The following MMUT variants were observed in gnomAD, a reference collection of about 807,000 sequenced individuals.
MMUT encodes the protein methylmalonyl-CoA mutase, mitochondrial.
Under a neutral mutation model 79.9 loss-of-function variants are expected in MMUT, and 79 were observed. The ratio of observed to expected loss-of-function variants is 0.99; its 90% CI spans 0.82 to 1.19. The LOEUF is 1.19. Among genes scored for constraint, MMUT ranks in the 50% most tolerant of loss-of-function variants. The pLI, the probability that MMUT is intolerant of heterozygous loss-of-function variation, is 0.00. For missense variants in MMUT, 860 were observed against 917.2 expected, an observed-to-expected ratio of 0.94 and a Z score of 0.81; for synonymous variants, 273 against 295.7, an observed-to-expected ratio of 0.92 and a Z score of 0.79.
At chr6:49,436,224 G>A (rs565768071) in intron 11 of MMUT, among the ~76,000 whole-genome samples, 7 of 152,138 alleles carry the variant, frequency 4.6e-5, no homozygotes, top group East Asian at 1.9e-4. Flanking sequence ...TGGTGATTCC[G>A]CACAGACCTC....
At chr6:49,452,710 A>C (rs1767584233) in intron 5 of MMUT, among the ~76,000 whole-genome samples, 1 of 152,210 alleles carries the variant, frequency 6.6e-6, no homozygotes, top group African/African-American at 2.4e-5. Context: ...TTAAATGTAT[A>C]AAAGCAATGT....
In MMUT at chr6:49,450,812, G is replaced by A. The variant is rs186189592; in HGVS notation, c.1332+654C>T. Among the ~76,000 whole-genome samples the A allele has an allele frequency of 9.3e-4, 142 of 152,242 alleles. 2 individuals are homozygous for A. The highest frequency in any genetic ancestry group is 1.7e-3 in the Non-Finnish European group (113 of 67,984). ...GGGATTCAAGATTCAGAATTAAACA[G>A]AGGAGAAATGAAAATATATTCCTAC... On this transcript the variant is annotated intron_variant, in intron 6 of 12. Coordinates refer to ENST00000274813, the MANE Select transcript of MMUT (RefSeq NM_000255.4).
chr6:49,441,063 A>C (rs1206081648), intron 10 of MMUT, among the ~76,000 whole-genome samples: 1 of 152,176 alleles, frequency 6.6e-6, no homozygotes, highest in Non-Finnish European at 1.5e-5. Context: ...AAAAGAAAAA[A>C]GTTCCATTTT....
At chr6:49,435,403 A>G (rs1197978318) in intron 12 of MMUT, 53 bp downstream of exon 12, 1 of 1,498,626 alleles carries the variant, frequency 6.7e-7, no homozygotes, top group Non-Finnish European at 9.3e-7. Flanking sequence ...CAAATAAGCT[A>G]TCATTACTCA....
chr6:49,441,178 A>G (rs1051560905), intron 10 of MMUT, among the ~76,000 whole-genome samples: 2 of 152,216 alleles, frequency 1.3e-5, no homozygotes, highest in Non-Finnish European at 2.9e-5. Context: ...CCAATCATCA[A>G]AAAGCTAGTT....
At chr6:49,461,041 C>T (rs986433860) in intron 1 of MMUT, among the ~76,000 whole-genome samples, 1 of 152,018 alleles carries the variant, frequency 6.6e-6, no homozygotes, top group African/African-American at 2.4e-5. Context: ...TTAGGAAAAT[C>T]GTAAGTATCT....
At chr6:49,459,880 A>AT (rs1195728868) in intron 1 of MMUT, among the ~76,000 whole-genome samples, 31 of 152,134 alleles carry the variant, frequency 2.0e-4, no homozygotes, top group African/African-American at 7.5e-4. Flanking sequence ...CTCCTAATTA[A>AT]TTTTTTCATT....
rs1046045891 is a variant in MMUT at position 49,458,945 on chromosome 6, C to A, written c.385+137G>T. ...TTTGACCACAGAAGTTAAAAAAATC[C>A]ACTTTTTTCAGAGTATAGTCTTTAA... On this transcript the variant is annotated intron_variant, in intron 2 of 12. Transcript: ENST00000274813. 1.5e-5 allele frequency: 13 copies of A among 872,964 alleles called. No homozygotes were observed. In the African/African-American group the frequency reaches 1.9e-4, roughly 13 times the overall value. 54.1% of individuals were successfully genotyped at this position (872,964 alleles called of 1,614,324 possible). A position where few individuals can be genotyped will look rare whatever the true frequency, so the allele number is the denominator to read the frequency against.
At chr6:49,451,425 T>C (rs1767547854) in intron 6 of MMUT, 41 bp downstream of exon 6, 1 of 1,603,692 alleles carries the variant, frequency 6.2e-7, no homozygotes, top group African/African-American at 1.3e-5. Context: ...TTTACAAATC[T>C]GTAAATTCTG....
chr6:49,445,605 GTA>G (rs1767392561), intron 8 of MMUT, among the ~76,000 whole-genome samples: 1 of 151,922 alleles, frequency 6.6e-6, no homozygotes, highest in South Asian at 2.1e-4. Context: ...ACATTTTCTT[GTA>G]TACTTTAAAT....
intron 1 of MMUT, among the ~76,000 whole-genome samples, chr6:49,462,303 T>G (rs1767872495): frequency 6.6e-6 from 1 of 152,222 alleles, no homozygotes; most frequent in African/African-American, 2.4e-5. Context: ...AAAAGATTTC[T>G]TGAACCAATA....
intron 9 of MMUT, among the ~76,000 whole-genome samples, chr6:49,443,329 G>T (rs1254698758): frequency 6.6e-6 from 1 of 152,076 alleles, no homozygotes; most frequent in Admixed American, 6.6e-5. Context: ...CATTACAAAA[G>T]ATTCCGAATC....
chr6:49,441,682 T>C (rs1055721759), intron 10 of MMUT, among the ~76,000 whole-genome samples, 158 bp downstream of exon 10: 1 of 148,756 alleles, frequency 6.7e-6, no homozygotes, highest in Non-Finnish European at 1.5e-5. Context: ...TATTATATGT[T>C]ATATAGTCTA....
At chr6:49,444,997 T>C (rs1767376465) in intron 8 of MMUT, among the ~76,000 whole-genome samples, 1 of 152,030 alleles carries the variant, frequency 6.6e-6, no homozygotes. Flanking sequence ...ATCAGAAACA[T>C]GAAGGGCAAT....
intron 11 of MMUT, among the ~76,000 whole-genome samples, chr6:49,437,184 G>A (rs549880312): frequency 4.6e-5 from 7 of 152,012 alleles, no homozygotes; most frequent in East Asian, 3.9e-4. Context: ...AATATTCATC[G>A]TTACATTATT....
chr6:49,447,205 A>G (rs1767431017), intron 8 of MMUT, among the ~76,000 whole-genome samples: 1 of 151,954 alleles, frequency 6.6e-6, no homozygotes, highest in South Asian at 2.1e-4. Context: ...TAAAAATCAA[A>G]AAGCAAGTAA....
At chr6:49,437,978 A>C (rs1258671381) in intron 11 of MMUT, among the ~76,000 whole-genome samples, 1 of 152,104 alleles carries the variant, frequency 6.6e-6, no homozygotes, top group African/African-American at 2.4e-5. Flanking sequence ...GTTATAGTAT[A>C]GTATAAAGTT....
At chr6:49,462,075 T>A (rs1017769800) in intron 1 of MMUT, among the ~76,000 whole-genome samples, 4 of 152,168 alleles carry the variant, frequency 2.6e-5, no homozygotes, top group Non-Finnish European at 5.9e-5. Context: ...GAAAATCACA[T>A]GTGAATTGGT....
Position 49,453,723 on chromosome 6 carries a change from G to T in MMUT, c.945C>A (p.Phe315Leu). 2 of 1,613,070 alleles carry T rather than the reference G, an allele frequency of 1.2e-6. No individual in the cohort carries two copies. Among genetic ancestry groups the T allele is most frequent in the East Asian group, 4.5e-5 (2 of 44,710 alleles). Residue 315 changes from phenylalanine to leucine, a missense_variant, in exon 5 of 13, where the codon TTC becomes TTA. By Grantham distance (22) the Phe-to-Leu change is conservative. Coordinates refer to ENST00000274813, the MANE Select transcript of MMUT (RefSeq NM_000255.4). ...CTCTCATCTTTGCTATTTCCATATA[G>T]AAATTCATTCCAATTCCCCAGAAGA... ...LSFFWGIGMN[F>L]YMEIAKMRAG...
Sources: allele counts gnomAD v4.1 joint callset (sites outside exome capture counted in the v4.1 genomes callset), GRCh38; gene constraint gnomAD v4.1.1; transcripts MANE v1.5; gene names NCBI Gene and HGNC (gene_info 2026-07-23, HGNC 2026-07-21).